Variants in TSEN2 observed in about 807,000 individuals in gnomAD.
TSEN2 encodes the protein tRNA-splicing endonuclease subunit Sen2.
TSEN2 carries 54 observed loss-of-function variants against 59.2 expected under a neutral mutation model. That is an observed-to-expected ratio of 0.91 (90% confidence interval 0.73 to 1.14). TSEN2 has a LOEUF of 1.14. TSEN2 is among the 50% of genes most tolerant of loss of function. The pLI, the probability that TSEN2 is intolerant of heterozygous loss-of-function variation, is 0.00. For synonymous variants in TSEN2, 195 were observed against 198.2 expected (o/e 0.98, Z 0.14); for missense variants, 636 against 576.2 (o/e 1.10, Z -1.06).
At chr3:12,508,516 T>G (rs2055079297) in intron 6 of TSEN2, among the ~76,000 whole-genome samples, 1 of 152,192 alleles carries the variant, frequency 6.6e-6, no homozygotes, top group South Asian at 2.1e-4. Context: ...GAATGGGGTC[T>G]CACCCCTGCT....
Position 12,528,921 on chromosome 3 carries a change from C to A in TSEN2, c.1133C>A (p.Ala378Glu). Residue 378 changes from alanine (A) to glutamate (E), a missense_variant, in exon 9 of 12, where the codon GCA becomes GAA. Transcript: ENST00000284995. ...LYRKGPPFYH[A>E]SYSVIIELVD... ...CGGAAAGGCCCTCCATTTTACCATG[C>A]AAGGTTCGGAGTGATTTTTAAATAA... is the stretch of plus-strand genomic sequence containing the variant. 2 of 1,613,892 alleles carry A rather than the reference C, an allele frequency of 1.2e-6. No homozygotes were observed. The highest frequency in any genetic ancestry group is 1.7e-6 in the Non-Finnish European group (2 of 1,179,966).
At chr3:12,490,275 A>G (rs2053081394) in intron 2 of TSEN2, among the ~76,000 whole-genome samples, 1 of 152,212 alleles carries the variant, frequency 6.6e-6, no homozygotes, top group South Asian at 2.1e-4. Flanking sequence ...TTGTAAAAGC[A>G]ATGCATGTTT....
At chr3:12,523,679 A>T (rs1370049036) in intron 8 of TSEN2, among the ~76,000 whole-genome samples, 1 of 151,558 alleles carries the variant, frequency 6.6e-6, no homozygotes, top group East Asian at 1.9e-4. Context: ...AGCTGGGATT[A>T]CAGGCGCACA....
At position 12,532,649 on chromosome 3, in the gene TSEN2, T is replaced by C; in HGVS notation, c.1339-13T>C. The C allele has an allele frequency of 6.2e-7, 1 of 1,614,080 alleles. No homozygotes were observed. Among genetic ancestry groups the C allele is most frequent in the South Asian group, 1.1e-5 (1 of 91,074 alleles). ...CTGTTTTAAGAAATGGTCTTTTTTT[T>C]TATTGGTTGTAGGAGGTGATTCTGA... On this transcript the variant is annotated splice_polypyrimidine_tract_variant and intron_variant, in intron 11 of 11. Transcript: ENST00000284995.
chr3:12,529,055 T>C (rs1482170012), intron 9 of TSEN2, 131 bp downstream of exon 9: 4 of 860,498 alleles, frequency 4.6e-6, no homozygotes, highest in Non-Finnish European at 7.9e-6. Context: ...AGATGCTATA[T>C]GTTCATGCCT....
downstream of TSEN2, among the ~76,000 whole-genome samples, chr3:12,536,507 A>T (rs942429739): frequency 6.6e-6 from 1 of 152,092 alleles, no homozygotes; most frequent in Non-Finnish European, 1.5e-5. Context: ...GCTGGGAAGA[A>T]ACTTGGGATT....
At chr3:12,537,272 A>C (rs1344683051), downstream of TSEN2, among the ~76,000 whole-genome samples, 2 of 151,862 alleles carry the variant, frequency 1.3e-5, no homozygotes, top group East Asian at 3.9e-4. Flanking sequence ...GGTAGCATGC[A>C]TCTGTAGTCC....
downstream of TSEN2, among the ~76,000 whole-genome samples, chr3:12,536,000 A>G (rs991498791): frequency 2.0e-5 from 3 of 152,232 alleles, no homozygotes; most frequent in Non-Finnish European, 1.5e-5. Flanking sequence ...AAATGAGATG[A>G]CATACAAAAG....
At chr3:12,527,264 C>T (rs1394600650) in intron 8 of TSEN2, among the ~76,000 whole-genome samples, 1 of 152,106 alleles carries the variant, frequency 6.6e-6, no homozygotes, top group Non-Finnish European at 1.5e-5. Context: ...CAAAACAAGA[C>T]TAAGTGAAGG....
rs775055443 is a variant in TSEN2, at chr3:12,531,630, C to G, written c.1309C>G (p.Pro437Ala). 1 of 1,612,082 alleles carries G rather than the reference C, an allele frequency of 6.2e-7. No individual in the cohort carries two copies. The highest frequency in any genetic ancestry group is 8.5e-7 in the Non-Finnish European group (1 of 1,178,168). The change falls in exon 11 of 12, where the codon CCA becomes GCA. Residue 437 changes from proline (P) to alanine (A), a missense_variant. By Grantham distance (27) the Pro-to-Ala change is conservative. Coordinates refer to ENST00000284995, the MANE Select transcript of TSEN2 (RefSeq NM_025265.4). ...STMTDKEMES[P>A]ECMKRIKVQE... ...TATGACTGACAAGGAAATGGAGTCA[C>G]CAGAATGTATGAAAAGGATTAAAGT...
rs547532860 is a variant in TSEN2, at chr3:12,516,765, C to A, written c.960+104C>A. ...ATTAATACAAATGTTTCTACTCTTA[C>A]TGAATAAAATAGGAATTGAATTTTT... On this transcript the variant is annotated intron_variant, in intron 7 of 11. Transcript: ENST00000284995. The A allele has an allele frequency of 1.4e-5, 17 of 1,185,950 alleles. No individual in the cohort carries two copies. The South Asian group carries it at 1.9e-4, about 13-fold the overall frequency. 73.5% of individuals were successfully genotyped at this position (1,185,950 alleles called of 1,614,324 possible).
chr3:12,506,578 C>CAA (rs537179433), intron 6 of TSEN2: 5,382 of 350,744 alleles, frequency 0.015, no homozygotes, highest in Non-Finnish European at 0.018. Context: ...GATCCTGTTT[C>CAA]AAAAAAAAAA....
At chr3:12,506,072 A>C (rs1218222197) in intron 6 of TSEN2, among the ~76,000 whole-genome samples, 1 of 152,202 alleles carries the variant, frequency 6.6e-6, no homozygotes, top group African/African-American at 2.4e-5. Context: ...GATTGGCTGA[A>C]TATTTTGTTA....
At position 12,489,822 on chromosome 3, in the gene TSEN2, GC is replaced by G. The variant is rs1166103971; in HGVS notation, c.26del (p.Pro9GlnfsTer26). 6.2e-7 allele frequency: 1 copy of G among 1,613,624 alleles called. No individual in the cohort carries two copies. The highest frequency in any genetic ancestry group is 2.2e-5 in the East Asian group (1 of 44,884). Reference sequence around the variant, plus strand: ...AAAAATGGCAGAAGCAGTTTTCCATGCCCCAAAGAGGAAAAGAAGAGTGTAT... The same window carrying G: ...AAAAATGGCAGAAGCAGTTTTCCATGCCCAAAGAGGAAAAGAAGAGTGTAT... Reference protein sequence around the residue: MAEAVFHAPKRKRRVYET... With the variant: MAEAVFHXPKRKRRVYET... On this transcript the variant is annotated frameshift_variant, in exon 2 of 12. Coordinates refer to ENST00000284995, the MANE Select transcript of TSEN2 (RefSeq NM_025265.4). LOFTEE classifies it high-confidence loss of function.
At chr3:12,529,031 G>A in intron 9 of TSEN2, 107 bp downstream of exon 9, 1 of 1,116,818 alleles carries the variant, frequency 9.0e-7, no homozygotes, top group Non-Finnish European at 1.4e-6. Flanking sequence ...TGTTCTTCCT[G>A]GCCTGATACG....
In TSEN2 at chr3:12,497,668, A is replaced by C. The variant is rs372935221; in HGVS notation, c.308+1114A>C. On this transcript the variant is annotated intron_variant, in intron 4 of 11. Transcript: ENST00000284995. ...GGCTAGGCTGGCCACAACATGACATAAGGTCAAGCCAGCCTGCCAGCGTAG... is the reference window on the plus strand; with the variant it reads ...GGCTAGGCTGGCCACAACATGACATCAGGTCAAGCCAGCCTGCCAGCGTAG... 1.1e-4 allele frequency among the ~76,000 whole-genome samples: 16 copies of C among 152,318 alleles called. 1 individual carries two copies. Among genetic ancestry groups the C allele is most frequent in the Admixed American group, 7.8e-4 (12 of 15,306 alleles).
intron 1 of TSEN2, among the ~76,000 whole-genome samples, chr3:12,489,454 G>T (rs1316973612): frequency 2.6e-5 from 4 of 152,162 alleles, no homozygotes; most frequent in Non-Finnish European, 5.9e-5. Flanking sequence ...ACTCCTGGTA[G>T]ACAGAAATCC....
At chr3:12,525,525 C>G (rs1255619396) in intron 8 of TSEN2, among the ~76,000 whole-genome samples, 1 of 151,192 alleles carries the variant, frequency 6.6e-6, no homozygotes, top group African/African-American at 2.4e-5. Flanking sequence ...CTTTTATACT[C>G]CCTGTTCTTT....
At chr3:12,496,628 T>C in intron 4 of TSEN2, 74 bp downstream of exon 4, 5 of 1,476,466 alleles carry the variant, frequency 3.4e-6, no homozygotes, top group Non-Finnish European at 3.8e-6. Flanking sequence ...TCTTGTCCCA[T>C]GTAGCAGTCC....
Sources: allele counts gnomAD v4.1 joint callset (sites outside exome capture counted in the v4.1 genomes callset), GRCh38; gene constraint gnomAD v4.1.1; transcripts MANE v1.5; gene names NCBI Gene and HGNC (gene_info 2026-07-23, HGNC 2026-07-21).